Variants in GREM2 observed in about 807,000 individuals in gnomAD.
GREM2 encodes the protein gremlin 2, DAN family BMP antagonist.
A neutral mutation model predicts 14.2 loss-of-function variants in GREM2; 11 were observed. That is an observed-to-expected ratio of 0.78 (90% CI 0.49 to 1.28). The LOEUF (loss-of-function observed/expected upper bound fraction) is 1.28, where lower values mean the gene tolerates loss of function less well. Among genes scored for constraint, GREM2 ranks in the 50% most tolerant of loss-of-function variants. GREM2 has a pLI of 0.00. For missense variants in GREM2, 210 were observed against 218.5 expected (o/e 0.96, Z 0.24); for synonymous variants, 98 against 97.6 (o/e 1.00, Z -0.02).
At chr1:240,562,959 TGAGTGTGTGTATGTGTGTATATGTAA>T (rs1679089115) in intron 1 of GREM2, among the ~76,000 whole-genome samples, 1 of 116,276 alleles carries the variant, frequency 8.6e-6, no homozygotes, top group Non-Finnish European at 1.8e-5. Flanking sequence ...TGTATGTGTG[TGAGTGTGTGTATGTGTGTATATGTAA>T]GTGTGTATGT....
intron 1 of GREM2, among the ~76,000 whole-genome samples, chr1:240,494,903 A>G (rs75295579): frequency 6.6e-6 from 1 of 151,608 alleles, no homozygotes; most frequent in East Asian, 1.9e-4. Flanking sequence ...TCCGGCTCAG[A>G]AAAAAAAATA....
At chr1:240,547,202 G>A (rs1678744813) in intron 1 of GREM2, among the ~76,000 whole-genome samples, 1 of 152,004 alleles carries the variant, frequency 6.6e-6, no homozygotes, top group African/African-American at 2.4e-5. Context: ...GTCTTTTGAT[G>A]TAAAAATATG....
At chr1:240,549,925 G>A (rs11582912) in intron 1 of GREM2, 43,426 of 152,276 alleles carry the variant, frequency 0.29, 6,366 homozygotes, top group East Asian at 0.4. Context: ...TTCTACCATG[G>A]ATGAGGCAAA....
chr1:240,510,364 C>A (rs1230619338), intron 1 of GREM2, among the ~76,000 whole-genome samples: 2 of 86,198 alleles, frequency 2.3e-5, no homozygotes, highest in Non-Finnish European at 4.2e-5. Context: ...AGCGAGACTC[C>A]GTCGCAAAAA....
intron 1 of GREM2, among the ~76,000 whole-genome samples, chr1:240,510,356 C>T (rs185656325): frequency 0.011 from 1,201 of 106,056 alleles, 24 homozygotes; most frequent in African/African-American, 0.042. Context: ...GGCGACAGAG[C>T]GAGACTCCGT....
At position 240,540,706 on chromosome 1, in the gene GREM2, G is replaced by A. The variant is rs977628582; in HGVS notation, c.-1-47230C>T. ...GCCTCCTGAGTAGCTGGGACTACAGGCATGCATCACCACGCCCAGCTAATT... is the reference window on the plus strand; with the variant it reads ...GCCTCCTGAGTAGCTGGGACTACAGACATGCATCACCACGCCCAGCTAATT... On this transcript the variant is annotated intron_variant, in intron 1 of 1. Transcript: ENST00000318160. The surrounding 1 kb of genome is among the most constrained non-coding windows in gnomAD (Gnocchi z 4.2). 1.3e-5 allele frequency among the ~76,000 whole-genome samples: 2 copies of A among 152,010 alleles called. No individual in the cohort carries two copies. Among genetic ancestry groups the A allele is most frequent in the African/African-American group, 4.8e-5 (2 of 41,384 alleles).
chr1:240,606,866 C>G (rs529795558), intron 1 of GREM2, among the ~76,000 whole-genome samples: 1 of 151,696 alleles, frequency 6.6e-6, no homozygotes, highest in African/African-American at 2.4e-5. Flanking sequence ...TTAGTAGAGA[C>G]GGGATTTCAC....
chr1:240,520,891 A>T (rs1553273745), intron 1 of GREM2, among the ~76,000 whole-genome samples: 3 of 132,140 alleles, frequency 2.3e-5, no homozygotes, highest in Admixed American at 7.7e-5. Flanking sequence ...TTTTTTTGGT[A>T]TGATATTTTG....
rs1052604175 is a variant in GREM2 at position 240,570,828 on chromosome 1, C to T, written c.-2+41056G>A. On this transcript the variant is annotated intron_variant, in intron 1 of 1. Coordinates refer to ENST00000318160, the MANE Select transcript of GREM2 (RefSeq NM_022469.4). ...TCATGAATACTTTTACCATCACATA[C>T]AATATTTGATTCCTTTCTCTCTTTT... Among the ~76,000 whole-genome samples the T allele has an allele frequency of 7.2e-5, 11 of 152,292 alleles. No individual in the cohort carries two copies. In the South Asian group the frequency reaches 2.3e-3, roughly 32 times the overall value.
chr1:240,548,126 T>A (rs1378440405), intron 1 of GREM2, among the ~76,000 whole-genome samples: 1 of 148,692 alleles, frequency 6.7e-6, no homozygotes, highest in South Asian at 2.1e-4. Context: ...AAAAAAAAAA[T>A]TAGCCAGGCG....
At chr1:240,563,232 A>AGT (rs372381241) in intron 1 of GREM2, among the ~76,000 whole-genome samples, 2 of 150,138 alleles carry the variant, frequency 1.3e-5, no homozygotes, top group African/African-American at 2.5e-5. Flanking sequence ...TGTGCGTGAG[A>AGT]GTGTGTGTGT....
chr1:240,567,241 T>C (rs570026745), intron 1 of GREM2, among the ~76,000 whole-genome samples: 1 of 151,952 alleles, frequency 6.6e-6, no homozygotes, highest in Non-Finnish European at 1.5e-5. Flanking sequence ...ATAACTGAAA[T>C]CCCCAAAGGT....
chr1:240,595,828 G>A (rs1679810425), intron 1 of GREM2, among the ~76,000 whole-genome samples: 1 of 152,116 alleles, frequency 6.6e-6, no homozygotes, highest in African/African-American at 2.4e-5. Flanking sequence ...CTAATAATGT[G>A]TCCAGGTCTT....
At chr1:240,611,436 C>G (rs895595515) in intron 1 of GREM2, among the ~76,000 whole-genome samples, 2 of 152,058 alleles carry the variant, frequency 1.3e-5, no homozygotes, top group Non-Finnish European at 2.9e-5. Context: ...AAAACTCTGC[C>G]GAAGTCCGCT....
chr1:240,547,293 GATC>G (rs1331664147), intron 1 of GREM2, among the ~76,000 whole-genome samples: 1 of 151,946 alleles, frequency 6.6e-6, no homozygotes, highest in Non-Finnish European at 1.5e-5. Context: ...GAGGGCAGGA[GATC>G]AAGACCATCC....
chr1:240,604,596 G>C (rs1475960678), intron 1 of GREM2, among the ~76,000 whole-genome samples: 1 of 152,170 alleles, frequency 6.6e-6, no homozygotes, highest in Non-Finnish European at 1.5e-5. Flanking sequence ...TTCAGTTACA[G>C]GTAAGTGGAA....
intron 1 of GREM2, among the ~76,000 whole-genome samples, chr1:240,514,087 A>AC (rs980506958): frequency 6.6e-6 from 1 of 151,624 alleles, no homozygotes; most frequent in African/African-American, 2.4e-5. Flanking sequence ...CTCTACAAAA[A>AC]AATACAAAAA....
chr1:240,498,326 G>A (rs542806046), intron 1 of GREM2, among the ~76,000 whole-genome samples: 54 of 152,346 alleles, frequency 3.5e-4, no homozygotes, highest in African/African-American at 1.3e-3. Flanking sequence ...GGCGAAGTCA[G>A]TCTCTTCTCT....
rs1679882087 is a variant in GREM2, at chr1:240,599,591, G to C, written c.-2+12293C>G. Among the ~76,000 whole-genome samples, 4 of 152,146 alleles carry C rather than the reference G, an allele frequency of 2.6e-5. No individual in the cohort carries two copies. In the South Asian group the frequency reaches 8.3e-4, roughly 32 times the overall value. On this transcript the variant is annotated intron_variant, in intron 1 of 1. Transcript: ENST00000318160. Reference sequence around the variant, plus strand: ...CATGACCAAATAAACCAGTCCAAATGGGGTATTTGGAATAGAGGAAACGCA... The same window carrying C: ...CATGACCAAATAAACCAGTCCAAATCGGGTATTTGGAATAGAGGAAACGCA...
Sources: gnomAD v4.1 joint callset for allele counts (sites outside exome capture counted in the v4.1 genomes callset) on GRCh38, gnomAD v4.1.1 for gene constraint, Gnocchi (gnomAD v3.1) non-coding constraint, MANE v1.5 for transcripts, NCBI Gene and HGNC (gene_info 2026-07-23, HGNC 2026-07-21) for gene names.